Variants in BPTF observed in about 807,000 individuals in gnomAD.
The protein encoded by BPTF is bromodomain PHD finger transcription factor, also known as nucleosome-remodeling factor subunit BPTF.
Under a neutral mutation model 292.5 loss-of-function variants are expected in BPTF, and 18 were observed. That is an observed-to-expected ratio of 0.06 (90% CI 0.04 to 0.09). BPTF has a LOEUF of 0.09. BPTF is among the 10% of genes least tolerant of loss of function. The pLI is 1.00. For missense variants in BPTF, 2,726 were observed against 3,498.7 expected (o/e 0.78, Z 5.57); for synonymous variants, 1,225 against 1,251.9 (o/e 0.98, Z 0.45).
chr17:67,944,253 A>T lies in BPTF; in HGVS notation c.6581A>T (p.Gln2194Leu). Residue 2194 changes from glutamine (Q) to leucine (L), a missense_variant, in exon 20 of 28, where the codon CAG (glutamine) becomes CTG (leucine). Around this residue, in one of 22 missense-constraint regions of BPTF, gnomAD observed 570 missense variants for 633.5 expected, o/e 0.90. Transcript: ENST00000306378. ...QGVTVLPGPG[Q>L]QLMQAAMPNG... ...GTGACTGTACTCCCAGGCCCAGGCC[A>T]GCAGCTAATGCAAGCTGCAATGCCA... The T allele has an allele frequency of 6.2e-7, 1 of 1,614,190 alleles. No homozygotes were observed. Among genetic ancestry groups the T allele is most frequent in the Non-Finnish European group, 8.5e-7 (1 of 1,180,032 alleles).
chr17:67,871,119 C>A (rs1332148439), intron 3 of BPTF, among the ~76,000 whole-genome samples: 1 of 152,092 alleles, frequency 6.6e-6, no homozygotes, highest in Non-Finnish European at 1.5e-5. Flanking sequence ...TATCTACACA[C>A]ACACGTGTCT....
chr17:67,881,948 C>T (rs1018042386), intron 4 of BPTF, among the ~76,000 whole-genome samples: 1 of 141,184 alleles, frequency 7.1e-6, no homozygotes, highest in African/African-American at 2.7e-5. Context: ...CTCACTGCAA[C>T]CTCCGCCTCC....
chr17:67,962,121 C>CA (rs2067568191), intron 24 of BPTF, among the ~76,000 whole-genome samples: 1 of 127,172 alleles, frequency 7.9e-6, no homozygotes, highest in African/African-American at 2.6e-5. Context: ...GCAGCCTGGG[C>CA]TATACAGCGA....
intron 1 of BPTF, among the ~76,000 whole-genome samples, chr17:67,853,356 G>C (rs2058523728): frequency 6.6e-6 from 1 of 151,992 alleles, no homozygotes. Context: ...CTCCTCCTCT[G>C]CACTTCCTTC....
In BPTF at chr17:67,922,995, G is replaced by A; in HGVS notation, c.5708+5G>A. 1 of 1,611,646 alleles carries A rather than the reference G, an allele frequency of 6.2e-7. No homozygotes were observed. Among genetic ancestry groups the A allele is most frequent in the African/African-American group, 1.3e-5 (1 of 74,800 alleles). ...GATCAGGGCATTTGCTGAGAGGTAA[G>A]GAAATGGTTAATACCTGGTCAGCTA... On this transcript the variant is annotated splice_donor_5th_base_variant and intron_variant, in intron 14 of 27. Coordinates refer to ENST00000306378, the MANE Select transcript of BPTF (RefSeq NM_182641.4).
chr17:67,918,887 C>A (rs1568071239), intron 12 of BPTF, 49 bp downstream of exon 12: 3 of 1,593,936 alleles, frequency 1.9e-6, no homozygotes, highest in East Asian at 4.6e-5. Context: ...AAGCTAAAAT[C>A]ACAGGCCAGG....
intron 24 of BPTF, among the ~76,000 whole-genome samples, chr17:67,961,613 G>A (rs1316794396): frequency 3.3e-5 from 5 of 152,148 alleles, no homozygotes; most frequent in Admixed American, 6.6e-5. Context: ...TTGGGAGGCC[G>A]AAGTGGGAGG....
intron 4 of BPTF, among the ~76,000 whole-genome samples, chr17:67,881,853 T>TTTCTG (rs1260877092): frequency 1.5e-4 from 1 of 6,846 alleles, no homozygotes; most frequent in African/African-American, 3.3e-4. Context: ...GGATTTTGGG[T>TTTCTG]TTTTGTTTTT....
intron 4 of BPTF, among the ~76,000 whole-genome samples, chr17:67,881,491 GTTTTTTT>G (rs140810889): frequency 1.1e-5 from 1 of 92,522 alleles, no homozygotes. Flanking sequence ...CATAATCAAG[GTTTTTTT>G]TTTTTTTTTT....
At chr17:67,970,867 A>T (rs187018730) in intron 26 of BPTF, among the ~76,000 whole-genome samples, 1 of 152,326 alleles carries the variant, frequency 6.6e-6, no homozygotes, top group African/African-American at 2.4e-5. Flanking sequence ...TATAAACAAC[A>T]TGCCACTGGA....
At position 67,851,351 on chromosome 17, in the gene BPTF, C is replaced by T. The variant is rs541392753; in HGVS notation, c.614-2589C>T. ...TTTCTCTGAAACAGTGCTGGATGAA[C>T]GCCTCAAGGGGCTCACACAACCTTT... is the stretch of plus-strand genomic sequence containing the variant. On this transcript the variant is annotated intron_variant, in intron 1 of 27. Transcript: ENST00000306378. Among the ~76,000 whole-genome samples, 18 of 150,754 alleles carry T rather than the reference C, an allele frequency of 1.2e-4. 1 individual carries two copies. The South Asian group carries it at 2.9e-3, about 25-fold the overall frequency.
In BPTF at chr17:67,916,698, G is replaced by A. The variant is rs191968876; in HGVS notation, c.5304-2016G>A. ...GAAGAATTGCTTGAACCTGGGAGGC[G>A]AAGGTTTCAGTGAGCCAAGATTGCT... On this transcript the variant is annotated intron_variant, in intron 11 of 27. Coordinates refer to ENST00000306378, the MANE Select transcript of BPTF (RefSeq NM_182641.4). Among the ~76,000 whole-genome samples, 245 of 149,350 alleles carry A rather than the reference G, an allele frequency of 1.6e-3. 2 individuals carry two copies. Among genetic ancestry groups the A allele is most frequent in the African/African-American group, 5.8e-3 (231 of 40,148 alleles).
chr17:67,917,131 C>A (rs1045080223), intron 11 of BPTF, among the ~76,000 whole-genome samples: 6 of 105,806 alleles, frequency 5.7e-5, no homozygotes, highest in African/African-American at 2.2e-4. Context: ...TGGTATTGTC[C>A]TTTTTTTTTT....
chr17:67,962,865 T>C (rs1448433367), intron 24 of BPTF, among the ~76,000 whole-genome samples: 6 of 152,216 alleles, frequency 3.9e-5, no homozygotes, highest in Non-Finnish European at 7.3e-5. Context: ...TGTTTGCGCT[T>C]TGCTTTGTTT....
chr17:67,825,516 G>A lies in BPTF; in HGVS notation c.-209G>A. The A allele has an allele frequency of 2.4e-6, 1 of 421,544 alleles. No individual in the cohort carries two copies. The highest frequency in any genetic ancestry group is 4.7e-6 in the Non-Finnish European group (1 of 214,950). 26.1% of individuals were successfully genotyped at this position (421,544 alleles called of 1,614,324 possible). A position where few individuals can be genotyped will look rare whatever the true frequency, so the allele number is the denominator to read the frequency against. On this transcript the variant is annotated 5_prime_UTR_variant, in exon 1 of 28. Coordinates refer to ENST00000306378, the MANE Select transcript of BPTF (RefSeq NM_182641.4). Reference sequence around the variant, plus strand: ...GTCGGTTCCCCCAGTCACCGAGCGAGAGGGAAGAAACAAGATGGCGGCTGA... The same window carrying A: ...GTCGGTTCCCCCAGTCACCGAGCGAAAGGGAAGAAACAAGATGGCGGCTGA...
At chr17:67,965,898 A>G (rs1294927874) in intron 25 of BPTF, 4 of 151,914 alleles carry the variant, frequency 2.6e-5, no homozygotes, top group African/African-American at 9.7e-5. Context: ...CCTCTACAAA[A>G]CATTAAAAAA....
chr17:67,953,593 G>T (rs1301137396), intron 23 of BPTF, among the ~76,000 whole-genome samples: 10 of 125,762 alleles, frequency 8.0e-5, no homozygotes, highest in African/African-American at 3.0e-4. Flanking sequence ...TTTTTTTTTG[G>T]AGAAAGAGTT....
intron 24 of BPTF, among the ~76,000 whole-genome samples, chr17:67,962,804 C>A (rs2148363105): frequency 6.6e-6 from 1 of 152,328 alleles, no homozygotes; most frequent in Middle Eastern, 3.4e-3. Context: ...GACCATTTAT[C>A]TTCTACACCT....
intron 4 of BPTF, among the ~76,000 whole-genome samples, chr17:67,890,866 C>T (rs1442692114): frequency 2.0e-5 from 3 of 152,044 alleles, no homozygotes; most frequent in African/African-American, 7.2e-5. Context: ...GCCAGTGCCA[C>T]AGTGTCTTCA....
Sources: gnomAD v4.1 joint callset for allele counts (sites outside exome capture counted in the v4.1 genomes callset) on GRCh38, gnomAD v4.1.1 for gene constraint, gnomAD v4.1.1 regional missense constraint, MANE v1.5 for transcripts, NCBI Gene and HGNC (gene_info 2026-07-23, HGNC 2026-07-21) for gene names.